The following MCTP1 variants were observed in gnomAD, a reference collection of about 807,000 sequenced individuals.
MCTP1 encodes multiple C2 and transmembrane domain-containing protein 1.
A neutral mutation model predicts 120.6 loss-of-function variants in MCTP1; 69 were observed. The ratio of observed to expected loss-of-function variants is 0.57; its 90% CI spans 0.47 to 0.70. The LOEUF (loss-of-function observed/expected upper bound fraction) is 0.70. Ranked by LOEUF, MCTP1 falls within the 30% of genes least tolerant of loss-of-function variation. MCTP1 has a pLI of 0.00. For missense variants in MCTP1, 1,203 were observed against 1,248.8 expected (o/e 0.96, Z 0.55); for synonymous variants, 529 against 493.1 (o/e 1.07, Z -0.96).
chr5:95,146,572 T>A (rs1172615527), intron 1 of MCTP1, among the ~76,000 whole-genome samples: 1 of 152,194 alleles, frequency 6.6e-6, no homozygotes, highest in African/African-American at 2.4e-5. Flanking sequence ...AAAATTTTGG[T>A]AAGTTGTATC....
Position 94,707,481 on chromosome 5 carries a change from A to C in MCTP1, c.*15T>G. On this transcript the variant is annotated 3_prime_UTR_variant, in exon 23 of 23. Coordinates refer to ENST00000515393, the MANE Select transcript of MCTP1 (RefSeq NM_024717.7). ...TTCCCAAACAGATGCTGGTCTCCTC[A>C]GTGCTGGGAGCTGGCTAGCCAAGAT... 6.3e-7 allele frequency: 1 copy of C among 1,598,400 alleles called. No homozygotes were observed. The highest frequency in any genetic ancestry group is 8.6e-7 in the Non-Finnish European group (1 of 1,166,794).
intron 1 of MCTP1, among the ~76,000 whole-genome samples, chr5:95,074,965 C>T (rs186390980): frequency 1.3e-5 from 2 of 152,162 alleles, no homozygotes; most frequent in Admixed American, 6.5e-5. Context: ...TTGGCTCTGT[C>T]GGGAGCTGGC....
chr5:94,912,996 G>C lies in MCTP1; in HGVS notation c.1351-20C>G, dbSNP rs1246849083. 1 of 1,581,088 alleles carries C rather than the reference G, an allele frequency of 6.3e-7. No homozygotes were observed. Among genetic ancestry groups the C allele is most frequent in the Admixed American group, 1.8e-5 (1 of 54,474 alleles). On this transcript the variant is annotated intron_variant, in intron 8 of 22. Transcript: ENST00000515393. ...CTGAAACTTTTGGCAAATGAAAATT[G>C]AGTTAGGTTACTGTGTTTTAAACCC...
Position 95,069,010 on chromosome 5 carries a change from C to T in MCTP1, c.721-51526G>A, listed in dbSNP as rs183162471. Reference sequence around the variant, plus strand: ...AGAAGCTGTGAAACAACAGAACAGCCTGTGCTACATACGTAATTAAAACAG... The same window carrying T: ...AGAAGCTGTGAAACAACAGAACAGCTTGTGCTACATACGTAATTAAAACAG... On this transcript the variant is annotated intron_variant, in intron 1 of 22. Transcript: ENST00000515393. Among the ~76,000 whole-genome samples the T allele has an allele frequency of 3.4e-5, 5 of 149,252 alleles. No homozygotes were observed. The East Asian group carries it at 9.8e-4, about 29-fold the overall frequency.
At chr5:95,135,051 A>G (rs73777307) in intron 1 of MCTP1, among the ~76,000 whole-genome samples, 2,100 of 147,026 alleles carry the variant, frequency 0.014, 61 homozygotes, top group African/African-American at 0.05. Flanking sequence ...TCCAGATCAG[A>G]AAAAAAAAAG....
chr5:94,901,898 G>T (rs755268624), intron 10 of MCTP1, among the ~76,000 whole-genome samples: 1 of 152,058 alleles, frequency 6.6e-6, no homozygotes, highest in African/African-American at 2.4e-5. Context: ...ATTTTTTAAC[G>T]TAAAAATAAG....
intron 1 of MCTP1, among the ~76,000 whole-genome samples, chr5:95,137,176 C>T (rs1023859217): frequency 6.6e-6 from 1 of 152,170 alleles, no homozygotes; most frequent in African/African-American, 2.4e-5. Flanking sequence ...TGGCTTGTAG[C>T]TTAGGACCTA....
chr5:94,804,117 C>T (rs529644058), intron 17 of MCTP1, among the ~76,000 whole-genome samples: 1 of 152,294 alleles, frequency 6.6e-6, no homozygotes, highest in South Asian at 2.1e-4. Context: ...ATGATAGTTG[C>T]TTTAAGCTAC....
At chr5:94,874,322 T>C (rs1300928383) in intron 12 of MCTP1, among the ~76,000 whole-genome samples, 1 of 152,150 alleles carries the variant, frequency 6.6e-6, no homozygotes, top group Non-Finnish European at 1.5e-5. Context: ...TAAATTTTAA[T>C]GGGAAGGAAT....
rs553470898 is a variant in MCTP1, at chr5:94,996,048, A to G, written c.838+21319T>C. 1.1e-4 allele frequency among the ~76,000 whole-genome samples: 17 copies of G among 152,326 alleles called. No homozygotes were observed. The East Asian group carries it at 3.3e-3, about 29-fold the overall frequency. ...AGTATTCAATATTTCTGATCACAGA[A>G]AACAGTTGAGCAACTTAAATTGTTT... On this transcript the variant is annotated intron_variant, in intron 2 of 22. Coordinates refer to ENST00000515393, the MANE Select transcript of MCTP1 (RefSeq NM_024717.7).
chr5:94,941,253 G>A (rs1817637494), intron 4 of MCTP1, among the ~76,000 whole-genome samples: 1 of 138,410 alleles, frequency 7.2e-6, no homozygotes, highest in South Asian at 2.4e-4. Context: ...ATTGAGCTCA[G>A]TTTTCATGAT....
intron 1 of MCTP1, among the ~76,000 whole-genome samples, chr5:95,223,817 G>C (rs529854743): frequency 6.6e-6 from 1 of 152,156 alleles, no homozygotes; most frequent in Non-Finnish European, 1.5e-5. Context: ...GTTAACTTGA[G>C]CCTCAGTCTA....
chr5:95,078,611 T>C (rs561161286), intron 1 of MCTP1, among the ~76,000 whole-genome samples: 1 of 152,272 alleles, frequency 6.6e-6, no homozygotes, highest in South Asian at 2.1e-4. Context: ...GTAGTAACAT[T>C]AAAAAGACGT....
intron 1 of MCTP1, among the ~76,000 whole-genome samples, chr5:95,068,298 G>C (rs1189521946): frequency 6.6e-6 from 1 of 152,164 alleles, no homozygotes; most frequent in East Asian, 1.9e-4. Flanking sequence ...GAGAGAGACA[G>C]AGAGAAGAGA....
intron 1 of MCTP1, among the ~76,000 whole-genome samples, chr5:95,273,278 G>A (rs113214066): frequency 0.019 from 2,908 of 152,328 alleles, 46 homozygotes; most frequent in Non-Finnish European, 0.029. Context: ...AACAGGAATG[G>A]ATAGAATATC....
At chr5:95,017,849 A>T (rs1239972503) in intron 1 of MCTP1, among the ~76,000 whole-genome samples, 1 of 152,158 alleles carries the variant, frequency 6.6e-6, no homozygotes, top group Non-Finnish European at 1.5e-5. Flanking sequence ...AGAGTGCAAG[A>T]GCAGTTGAGT....
intron 1 of MCTP1, among the ~76,000 whole-genome samples, chr5:95,278,823 G>A (rs26392): frequency 0.83 from 126,161 of 151,812 alleles, 52,527 homozygotes; most frequent in East Asian, 0.88. Context: ...TTAGCCAGGC[G>A]TGGTGGCACA....
intron 19 of MCTP1, among the ~76,000 whole-genome samples, chr5:94,724,964 TA>T (rs34442808): frequency 1.3e-5 from 2 of 149,846 alleles, no homozygotes; most frequent in African/African-American, 2.5e-5. Flanking sequence ...TCCAGAGATT[TA>T]AAAAAAAAAG....
chr5:94,890,965 A>G (rs577344415), intron 11 of MCTP1, among the ~76,000 whole-genome samples: 1 of 152,218 alleles, frequency 6.6e-6, no homozygotes, highest in Admixed American at 6.5e-5. Context: ...AGTTATTAAA[A>G]TGTTACTAGA....
Sources: gnomAD v4.1 joint callset for allele counts (sites outside exome capture counted in the v4.1 genomes callset) on GRCh38, gnomAD v4.1.1 for gene constraint, MANE v1.5 for transcripts, NCBI Gene and HGNC (gene_info 2026-07-23, HGNC 2026-07-21) for gene names.